Variants in SCART1 observed in about 807,000 individuals in gnomAD.
SCART1 encodes the protein scavenger receptor cysteine-rich domain-containing protein SCART1.
A neutral mutation model predicts 36.2 loss-of-function variants in SCART1; 62 were observed. The observed-to-expected ratio is 1.71, with a 90% CI of 1.40 to 2.12. The LOEUF is 2.12. Among genes scored for constraint, SCART1 ranks in the 30% most tolerant of loss-of-function variants. The pLI, the probability that SCART1 is intolerant of heterozygous loss-of-function variation, is 0.00. For missense variants in SCART1, 1,041 were observed against 540.5 expected (o/e 1.93, Z -9.18); for synonymous variants, 487 against 238.7 (o/e 2.04, Z -9.59).
intron 6 of SCART1, among the ~76,000 whole-genome samples, chr10:133,462,440 G>A (rs1589935867): frequency 6.6e-6 from 1 of 152,164 alleles, no homozygotes; most frequent in African/African-American, 2.4e-5. Context: ...GAGATATAAA[G>A]TATGTTACAT....
chr10:133,466,882 T>G, intron 10 of SCART1: 1 of 262,314 alleles, frequency 3.8e-6, no homozygotes, highest in African/African-American at 2.2e-5. Context: ...AGGGCTCATT[T>G]TATTGGCCAG....
chr10:133,467,760 C>T lies in SCART1; in HGVS notation c.2963-87C>T, dbSNP rs566753834. 8.7e-5 allele frequency: 49 copies of T among 564,890 alleles called. No individual in the cohort carries two copies. In the Middle Eastern group the frequency reaches 3.1e-3, roughly 36 times the overall value. The allele number at this position is 564,890 out of a possible 1,614,324, so 35.0% of individuals were successfully genotyped here. On this transcript the variant is annotated intron_variant, in intron 11 of 11. Coordinates refer to ENST00000640237, the Ensembl canonical transcript of SCART1. ...GTGCTTTCTGGTTGACATGTTTATG[C>T]GTTCCTGTCTTACGGGCTTTGCCAA...
At chr10:133,456,642 C>T (rs1850617614) in intron 2 of SCART1, 88 bp downstream of exon 2, 7 of 595,036 alleles carry the variant, frequency 1.2e-5, no homozygotes, top group African/African-American at 7.4e-5. Context: ...CAGAGGAGGA[C>T]TGGGAGGATG....
At chr10:133,457,930 C>T (rs937861994) in intron 3 of SCART1, 28 of 508,800 alleles carry the variant, frequency 5.5e-5, no homozygotes, top group Middle Eastern at 5.4e-4. Flanking sequence ...TGTGTGTGAG[C>T]TGCACTGGCC....
exon 12 of SCART1, chr10:133,467,957 A>G: frequency 1.4e-6 from 1 of 693,318 alleles, no homozygotes; most frequent in Non-Finnish European, 2.6e-6. Context: ...TCTGGAGGAG[A>G]TGACGTTGTA....
chr10:133,454,330 G>T (rs1293749795), intron 1 of SCART1, among the ~76,000 whole-genome samples: 2 of 152,156 alleles, frequency 1.3e-5, no homozygotes. Context: ...TGAGGGACAC[G>T]GCCCAGTGTC....
exon 11 of SCART1, chr10:133,467,329 G>A: frequency 1.4e-6 from 1 of 702,622 alleles, no homozygotes; most frequent in East Asian, 2.7e-5. Flanking sequence ...CGGAAGTGTG[G>A]TGAAGGTGGA....
exon 6 of SCART1, chr10:133,459,669 A>G (rs1207593003): frequency 1.4e-6 from 1 of 696,438 alleles, no homozygotes; most frequent in Non-Finnish European, 2.6e-6. Context: ...ACCTGCCCCC[A>G]GCCGCGGATC....
intron 9 of SCART1, chr10:133,465,875 AAAAC>A (rs2133559467): frequency 2.9e-6 from 2 of 687,966 alleles, no homozygotes; most frequent in East Asian, 5.6e-5. Context: ...CTCTTTGCAG[AAAAC>A]AAACAGTTAA....
chr10:133,468,410 A>T (rs1392226094), exon 12 of SCART1: 1 of 153,240 alleles, frequency 6.5e-6, no homozygotes, highest in African/African-American at 2.4e-5. Context: ...TTGTGTAATC[A>T]TGTCATCTGT....
chr10:133,460,513 A>ATTTAAATATTTATTTATT (rs1488805220), intron 6 of SCART1, among the ~76,000 whole-genome samples: 1 of 106,662 alleles, frequency 9.4e-6, no homozygotes, highest in African/African-American at 3.7e-5. Context: ...AAAATATTTT[A>ATTTAAATATTTATTTATT]TATTTATTTA....
chr10:133,456,609 C>G lies in SCART1; in HGVS notation c.385+55C>G, dbSNP rs537058921. The G allele has an allele frequency of 3.8e-4, 232 of 603,502 alleles. 1 individual carries two copies. The South Asian group carries it at 4.2e-3, about 11-fold the overall frequency. 37.4% of individuals were successfully genotyped at this position (603,502 alleles called of 1,614,324 possible). A position where few individuals can be genotyped will look rare whatever the true frequency, so the allele number is the denominator to read the frequency against. ...CTGAGGAGGAGGAGGAGTGGGAGGA[C>G]GAGGAGGAGGACTGGGAGGACGCAG... On this transcript the variant is annotated intron_variant, in intron 2 of 11. Coordinates refer to ENST00000640237, the Ensembl canonical transcript of SCART1.
intron 4 of SCART1, 70 bp downstream of exon 4, chr10:133,458,726 A>G: frequency 1.5e-6 from 1 of 688,314 alleles, no homozygotes; most frequent in Non-Finnish European, 2.6e-6. Context: ...TTCGTGCCCT[A>G]AAGGTGCCTC....
intron 4 of SCART1, 155 bp downstream of exon 4, chr10:133,458,811 G>A (rs1252044976): frequency 2.4e-5 from 16 of 667,338 alleles, no homozygotes; most frequent in Non-Finnish European, 4.3e-5. Context: ...ACTGGGTGTA[G>A]AGTGATGTAC....
chr10:133,457,642 A>G, intron 3 of SCART1, 67 bp downstream of exon 3: 1 of 605,914 alleles, frequency 1.7e-6, no homozygotes, highest in African/African-American at 1.9e-5. Flanking sequence ...TGGGGAGGGC[A>G]GGGAGAAGGG....
At chr10:133,469,302 T>C (rs2133562017), downstream of SCART1, 1 of 152,306 alleles carries the variant, frequency 6.6e-6, no homozygotes, top group Middle Eastern at 3.4e-3. Flanking sequence ...ATGGATAGAT[T>C]GCAAAAATTT....
At chr10:133,457,291 G>A (rs747007397) in exon 3 of SCART1, 9 of 700,854 alleles carry the variant, frequency 1.3e-5, no homozygotes, top group Admixed American at 4.0e-5. Flanking sequence ...GGCACTTTCC[G>A]GGAGCTCCGG....
chr10:133,458,260 G>A (rs115558068), intron 3 of SCART1, 100 bp from the exon 4 acceptor site: 28,743 of 701,228 alleles, frequency 0.041, 787 homozygotes, highest in African/African-American at 0.058. Context: ...CTAGATGCAG[G>A]TGATGGCTCC....
At chr10:133,461,492 T>C (rs913643835) in intron 6 of SCART1, among the ~76,000 whole-genome samples, 10 of 152,348 alleles carry the variant, frequency 6.6e-5, no homozygotes, top group African/African-American at 2.2e-4. Context: ...TTGTATGCAA[T>C]GCTGGAGTCT....
Sources: gnomAD v4.1 joint callset for allele counts (sites outside exome capture counted in the v4.1 genomes callset) on GRCh38, gnomAD v4.1.1 for gene constraint, MANE v1.5 for transcripts, NCBI Gene and HGNC (gene_info 2026-07-23, HGNC 2026-07-21) for gene names.